DYNC1I1: variants seen among roughly 807,000 people sequenced by gnomAD.
DYNC1I1 encodes cytoplasmic dynein 1 intermediate chain 1.
Under a neutral mutation model 86.6 loss-of-function variants are expected in DYNC1I1, and 43 were observed. The observed-to-expected ratio is 0.50, with a 90% CI of 0.39 to 0.64. DYNC1I1 has a LOEUF of 0.64. Ranked by LOEUF, DYNC1I1 falls within the 30% of genes least tolerant of loss-of-function variation. The pLI, the probability that DYNC1I1 is intolerant of heterozygous loss-of-function variation, is 0.00. For missense variants in DYNC1I1, 604 were observed against 788.8 expected, an observed-to-expected ratio of 0.77 and a Z score of 2.81; for synonymous variants, 262 against 283.7, an observed-to-expected ratio of 0.92 and a Z score of 0.77.
chr7:95,918,970 A>C (rs1159076175), intron 6 of DYNC1I1, among the ~76,000 whole-genome samples: 1 of 152,190 alleles, frequency 6.6e-6, no homozygotes, highest in Non-Finnish European at 1.5e-5. Context: ...AGTTTTAGGA[A>C]CTGTTTTTTA....
At chr7:95,789,025 A>G (rs1357359253) in intron 1 of DYNC1I1, among the ~76,000 whole-genome samples, 2 of 152,216 alleles carry the variant, frequency 1.3e-5, no homozygotes, top group African/African-American at 4.8e-5. Context: ...ATTTTCACTC[A>G]AAGTGACAGA....
In DYNC1I1 at chr7:95,798,104, A is replaced by G. The variant is rs538520237; in HGVS notation, c.-9-6617A>G. Among the ~76,000 whole-genome samples, 9 of 151,372 alleles carry G rather than the reference A, an allele frequency of 5.9e-5. No homozygotes were observed. In the South Asian group the frequency reaches 1.9e-3, roughly 31 times the overall value. On this transcript the variant is annotated intron_variant, in intron 1 of 16. Transcript: ENST00000447467. The stretch of plus-strand genomic sequence containing the variant: ...ATAACCTACATAAAAACATAAACTA[A>G]AGCTCTTTGAAGTCCTTGATAATTT...
intron 2 of DYNC1I1, among the ~76,000 whole-genome samples, chr7:95,807,123 G>A (rs11767450): frequency 0.12 from 18,329 of 152,156 alleles, 1,202 homozygotes; most frequent in African/African-American, 0.17. Flanking sequence ...GTAGATGAAT[G>A]GGGCTTCATA....
intron 16 of DYNC1I1, among the ~76,000 whole-genome samples, chr7:96,089,600 A>G (rs1436189558): frequency 6.6e-6 from 1 of 152,138 alleles, no homozygotes; most frequent in Non-Finnish European, 1.5e-5. Context: ...CTGTGCTTTT[A>G]AAAGTGAGCA....
At chr7:96,016,309 T>TTG (rs2115879500) in intron 10 of DYNC1I1, among the ~76,000 whole-genome samples, 1 of 152,126 alleles carries the variant, frequency 6.6e-6, no homozygotes, top group African/African-American at 2.4e-5. Flanking sequence ...TAGGTTTTTT[T>TTG]TTTTTTTTTT....
chr7:95,926,021 G>A (rs1361638753), intron 6 of DYNC1I1, among the ~76,000 whole-genome samples: 3 of 152,114 alleles, frequency 2.0e-5, no homozygotes, highest in African/African-American at 7.2e-5. Context: ...CAAATATAAT[G>A]CCCAGGGTTG....
At chr7:96,056,727 T>C (rs1021686563) in intron 14 of DYNC1I1, among the ~76,000 whole-genome samples, 1 of 152,058 alleles carries the variant, frequency 6.6e-6, no homozygotes, top group African/African-American at 2.4e-5. Context: ...ATATAGCATA[T>C]GCAAATGTAT....
intron 6 of DYNC1I1, among the ~76,000 whole-genome samples, chr7:95,882,056 C>G (rs1790468004): frequency 1.3e-5 from 2 of 151,896 alleles, no homozygotes; most frequent in African/African-American, 4.8e-5. Flanking sequence ...TTAAAATTTC[C>G]TTCCTTTCCT....
chr7:95,814,395 A>C (rs1794901839), intron 4 of DYNC1I1, among the ~76,000 whole-genome samples: 1 of 152,198 alleles, frequency 6.6e-6, no homozygotes. Flanking sequence ...TAAAAGAAGA[A>C]ACAACCATCT....
intron 4 of DYNC1I1, among the ~76,000 whole-genome samples, chr7:95,816,180 G>A (rs557550677): frequency 4.6e-5 from 7 of 152,138 alleles, no homozygotes; most frequent in Admixed American, 3.9e-4. Flanking sequence ...ACCATGCACA[G>A]CTAATTTTTA....
intron 10 of DYNC1I1, among the ~76,000 whole-genome samples, chr7:95,996,551 C>T (rs753083742): frequency 5.3e-5 from 8 of 152,154 alleles, no homozygotes; most frequent in Non-Finnish European, 7.4e-5. Context: ...ACTTACCACT[C>T]GTATTTCTTG....
intron 5 of DYNC1I1, among the ~76,000 whole-genome samples, chr7:95,860,646 A>G (rs1474568692): frequency 6.6e-6 from 1 of 152,108 alleles, no homozygotes; most frequent in Non-Finnish European, 1.5e-5. Context: ...ACTAAATATC[A>G]CAGGCTGGGT....
chr7:96,051,148 AT>A (rs1294116391), intron 14 of DYNC1I1, among the ~76,000 whole-genome samples: 1 of 151,756 alleles, frequency 6.6e-6, no homozygotes, highest in African/African-American at 2.4e-5. Context: ...GAGTCTTTGG[AT>A]TTTTTTATTA....
At chr7:95,925,080 C>T (rs902970963) in intron 6 of DYNC1I1, among the ~76,000 whole-genome samples, 17 of 152,144 alleles carry the variant, frequency 1.1e-4, no homozygotes, top group African/African-American at 3.9e-4. Flanking sequence ...TGTCAAAATA[C>T]GAGTTGCAAT....
At chr7:96,001,429 A>G (rs1794009207) in intron 10 of DYNC1I1, among the ~76,000 whole-genome samples, 1 of 152,216 alleles carries the variant, frequency 6.6e-6, no homozygotes, top group African/African-American at 2.4e-5. Context: ...AATAGAAACA[A>G]TATAGTTATA....
chr7:95,992,783 T>C (rs889932277), intron 9 of DYNC1I1, among the ~76,000 whole-genome samples: 3 of 151,994 alleles, frequency 2.0e-5, no homozygotes, highest in Non-Finnish European at 4.4e-5. Context: ...CCTGGCTAAT[T>C]TTTGTATTTT....
intron 16 of DYNC1I1, among the ~76,000 whole-genome samples, chr7:96,085,218 A>G (rs1009675404): frequency 1.3e-5 from 2 of 152,180 alleles, no homozygotes; most frequent in Admixed American, 6.5e-5. Context: ...ATGTACAATT[A>G]TCCTCTATGA....
intron 16 of DYNC1I1, among the ~76,000 whole-genome samples, chr7:96,109,685 G>A (rs767357742): frequency 5.9e-5 from 9 of 151,832 alleles, no homozygotes; most frequent in African/African-American, 1.2e-4. Context: ...TCAAATATAC[G>A]GAGAATTTCC....
At chr7:95,773,401 C>A (rs1257869656) in intron 1 of DYNC1I1, among the ~76,000 whole-genome samples, 1 of 152,174 alleles carries the variant, frequency 6.6e-6, no homozygotes. Context: ...GGCTCTCCTT[C>A]CCCCGCTCCC....
Sources: allele counts gnomAD v4.1 joint callset (sites outside exome capture counted in the v4.1 genomes callset), GRCh38; gene constraint gnomAD v4.1.1; transcripts MANE v1.5; gene names NCBI Gene and HGNC (gene_info 2026-07-23, HGNC 2026-07-21).